The following SAMD5 variants were observed in gnomAD, a reference collection of about 807,000 sequenced individuals.
SAMD5 encodes the protein sterile alpha motif domain containing 5.
In SAMD5, 13 loss-of-function variants were observed where a neutral mutation model predicts 11.3. The ratio of observed to expected loss-of-function variants is 1.15; its 90% CI spans 0.75 to 1.83. The LOEUF (loss-of-function observed/expected upper bound fraction) is 1.83, where lower values mean the gene tolerates loss of function less well. Ranked by LOEUF, SAMD5 falls within the 40% of genes most tolerant of loss-of-function variation. The probability of loss-of-function intolerance (pLI) is 0.00; values close to 1 mark genes in which losing one functional copy is unlikely to be tolerated. For missense variants in SAMD5, 255 were observed against 239.1 expected (o/e 1.07, Z -0.44); for synonymous variants, 129 against 111.3 (o/e 1.16, Z -1.00).
the SAMD5 span, among the ~76,000 whole-genome samples, chr6:147,889,848 T>C: frequency 6.6e-6 from 1 of 152,182 alleles, no homozygotes; most frequent in Non-Finnish European, 1.5e-5. Context: ...AGGACTCCAC[T>C]GCGTTCCTAC....
chr6:147,887,415 G>A, the SAMD5 span, among the ~76,000 whole-genome samples: 1 of 152,178 alleles, frequency 6.6e-6, no homozygotes, highest in Non-Finnish European at 1.5e-5. Context: ...AAGAATTCTA[G>A]AATGTACTCT....
Position 147,564,690 on chromosome 6 carries a change from T to C in SAMD5, c.*234T>C. The C allele has an allele frequency of 4.1e-6, 5 of 1,233,224 alleles. No homozygotes were observed. Among genetic ancestry groups the C allele is most frequent in the Non-Finnish European group, 4.1e-6 (4 of 982,552 alleles). The allele number at this position is 1,233,224 out of a possible 1,614,324, so 76.4% of individuals were successfully genotyped here. A position where few individuals can be genotyped will look rare whatever the true frequency, so the allele number is the denominator to read the frequency against. On this transcript the variant is annotated 3_prime_UTR_variant, in exon 2 of 2. Coordinates refer to ENST00000367474, the MANE Select transcript of SAMD5 (RefSeq NM_001030060.3). Reference sequence around the variant, plus strand: ...CACGCATAAAGAAGTATTGAGTTCATTTTTTTAAGAAGATATCATGATGAG... The same window carrying C: ...CACGCATAAAGAAGTATTGAGTTCACTTTTTTAAGAAGATATCATGATGAG...
chr6:147,942,649 G>A, the SAMD5 span, among the ~76,000 whole-genome samples: 1 of 152,194 alleles, frequency 6.6e-6, no homozygotes, highest in South Asian at 2.1e-4. Flanking sequence ...GGCTCCTGTG[G>A]AAAAGCTGCA....
the SAMD5 span, among the ~76,000 whole-genome samples, chr6:147,816,096 T>C: frequency 0.14 from 20,841 of 150,878 alleles, 1,845 homozygotes; most frequent in East Asian, 0.34. Context: ...CTGGCTAACG[T>C]GGTGAAACCC....
chr6:147,837,009 A>G, the SAMD5 span, among the ~76,000 whole-genome samples: 1 of 152,236 alleles, frequency 6.6e-6, no homozygotes, highest in African/African-American at 2.4e-5. Flanking sequence ...GACTACATAT[A>G]TAAAAAACAT....
chr6:147,573,989 G>A (rs139631528), downstream of SAMD5, among the ~76,000 whole-genome samples: 5,124 of 152,082 alleles, frequency 0.034, 120 homozygotes, highest in Middle Eastern at 0.075. Context: ...TTAGCCGGGC[G>A]TGGTGGCAGG....
chr6:147,625,838 CTG>C (rs887622434), intron 1 of SAMD5, among the ~76,000 whole-genome samples: 2 of 152,192 alleles, frequency 1.3e-5, no homozygotes, highest in Admixed American at 6.5e-5. Flanking sequence ...TTGTGGCAAA[CTG>C]TGGTAACTCC....
chr6:147,512,005 G>C (rs1179037826), intron 1 of SAMD5, among the ~76,000 whole-genome samples: 1 of 152,148 alleles, frequency 6.6e-6, no homozygotes, highest in East Asian at 1.9e-4. Context: ...GCCCAGGCTG[G>C]AGTGCAGTGC....
chr6:147,815,359 G>A, the SAMD5 span, among the ~76,000 whole-genome samples: 1 of 152,222 alleles, frequency 6.6e-6, no homozygotes, highest in African/African-American at 2.4e-5. Context: ...ACACGTGATA[G>A]TATAACCCTT....
intron 1 of SAMD5, among the ~76,000 whole-genome samples, chr6:147,717,759 C>T (rs1184750431): frequency 3.3e-5 from 5 of 152,120 alleles, no homozygotes; most frequent in Non-Finnish European, 4.4e-5. Context: ...GGAAGAATTA[C>T]TTGAACCTGG....
At chr6:147,574,196 G>A (rs1789181508), downstream of SAMD5, among the ~76,000 whole-genome samples, 1 of 151,466 alleles carries the variant, frequency 6.6e-6, no homozygotes, top group Non-Finnish European at 1.5e-5. Flanking sequence ...AAATATGGTT[G>A]CCAACACTAA....
At chr6:147,760,542 C>T in the SAMD5 span, among the ~76,000 whole-genome samples, 1 of 152,006 alleles carries the variant, frequency 6.6e-6, no homozygotes, top group Non-Finnish European at 1.5e-5. Flanking sequence ...TCATAAGTTA[C>T]TTGCTATAGT....
rs970392679 is a variant in SAMD5 at position 147,540,932 on chromosome 6, C to T, written c.460-23462C>T. Among the ~76,000 whole-genome samples the T allele has an allele frequency of 8.5e-5, 9 of 106,318 alleles. No individual in the cohort carries two copies. In the South Asian group the frequency reaches 1.1e-3, roughly 13 times the overall value. The allele number at this position is 106,318 out of a possible 152,430, so 69.7% of individuals were successfully genotyped here. Reference sequence around the variant, plus strand: ...CCATAGCTGTGGGGTTCAAGCCACGCGTTTTTTTTTTTTTTTTTTTTTTTT... The same window carrying T: ...CCATAGCTGTGGGGTTCAAGCCACGTGTTTTTTTTTTTTTTTTTTTTTTTT... On this transcript the variant is annotated intron_variant, in intron 1 of 1. Transcript: ENST00000367474.
chr6:147,737,439 G>A, exon 2 of SAMD5: 1 of 904,958 alleles, frequency 1.1e-6, no homozygotes, highest in Non-Finnish European at 1.5e-6. Context: ...ACATTTCTTT[G>A]GACACATAAT....
At chr6:147,588,982 A>G (rs1180082606) in intron 1 of SAMD5, among the ~76,000 whole-genome samples, 2 of 151,622 alleles carry the variant, frequency 1.3e-5, no homozygotes, top group Non-Finnish European at 2.9e-5. Flanking sequence ...TTATGAGATG[A>G]GGTCTCGCTC....
At chr6:147,522,709 T>A (rs117515124) in intron 1 of SAMD5, among the ~76,000 whole-genome samples, 2 of 152,322 alleles carry the variant, frequency 1.3e-5, no homozygotes, top group Non-Finnish European at 2.9e-5. Flanking sequence ...ATCACTTCAA[T>A]GGTTGTTGTC....
chr6:147,580,657 C>T (rs1395041143), intron 1 of SAMD5, among the ~76,000 whole-genome samples: 5 of 152,118 alleles, frequency 3.3e-5, no homozygotes, highest in Admixed American at 6.6e-5. Context: ...ATTAAATAGT[C>T]ATGTATGGCC....
chr6:147,771,723 TG>T, the SAMD5 span, among the ~76,000 whole-genome samples: 1 of 152,178 alleles, frequency 6.6e-6, no homozygotes, highest in African/African-American at 2.4e-5. Flanking sequence ...ACTCTCTCCC[TG>T]GGTCACTGGT....
chr6:147,861,756 A>G, the SAMD5 span, among the ~76,000 whole-genome samples: 3 of 152,048 alleles, frequency 2.0e-5, no homozygotes, highest in Admixed American at 1.3e-4. Flanking sequence ...CCTTTCCAGG[A>G]CCCATCCTTA....
Sources: gnomAD v4.1 joint callset for allele counts (sites outside exome capture counted in the v4.1 genomes callset) on GRCh38, gnomAD v4.1.1 for gene constraint, MANE v1.5 for transcripts, NCBI Gene and HGNC (gene_info 2026-07-23, HGNC 2026-07-21) for gene names.